The following CCSER1 variants were observed in gnomAD, a reference collection of about 807,000 sequenced individuals.
The protein encoded by CCSER1 is coiled-coil serine rich protein 1.
In CCSER1, 41 loss-of-function variants were observed where a neutral mutation model predicts 82.0. The observed-to-expected ratio is 0.50, with a 90% CI of 0.39 to 0.65. The LOEUF (loss-of-function observed/expected upper bound fraction) is 0.65. CCSER1 is among the 30% of genes least tolerant of loss of function. The pLI is 0.00. For missense variants in CCSER1, 1,119 were observed against 1,064.2 expected, an observed-to-expected ratio of 1.05 and a Z score of -0.72; for synonymous variants, 414 against 383.9, an observed-to-expected ratio of 1.08 and a Z score of -0.92.
chr4:91,532,126 T>C (rs1761062964), intron 10 of CCSER1, among the ~76,000 whole-genome samples: 1 of 152,190 alleles, frequency 6.6e-6, no homozygotes, highest in African/African-American at 2.4e-5. Flanking sequence ...AACTTTTCAG[T>C]TGCCTATTAT....
In CCSER1 at chr4:91,561,910, A is replaced by G. The variant is rs1004249665; in HGVS notation, c.2218-36662A>G. The stretch of plus-strand genomic sequence containing the variant: ...ATGGGTAAAATTTAACTATACATTA[A>G]GTAAAATTCTTTTCAGGGCAATATT... On this transcript the variant is annotated intron_variant, in intron 10 of 10. Transcript: ENST00000509176. 4.6e-5 allele frequency among the ~76,000 whole-genome samples: 7 copies of G among 151,568 alleles called. No homozygotes were observed. In the South Asian group the frequency reaches 1.5e-3, roughly 31 times the overall value.
At chr4:90,990,446 T>C (rs1020917287) in intron 9 of CCSER1, among the ~76,000 whole-genome samples, 2 of 151,992 alleles carry the variant, frequency 1.3e-5, no homozygotes, top group Admixed American at 6.6e-5. Flanking sequence ...ATTATAGTTC[T>C]TAACGCTGAC....
chr4:90,449,850 G>A (rs1247281041), intron 4 of CCSER1, among the ~76,000 whole-genome samples: 1 of 152,194 alleles, frequency 6.6e-6, no homozygotes, highest in Non-Finnish European at 1.5e-5. Flanking sequence ...CTGGGTGGCT[G>A]CATCTTTACC....
At chr4:90,713,719 A>T (rs999120253) in intron 6 of CCSER1, among the ~76,000 whole-genome samples, 1 of 151,754 alleles carries the variant, frequency 6.6e-6, no homozygotes, top group African/African-American at 2.4e-5. Context: ...GTTCTTCTGG[A>T]TGATATCCTG....
intron 8 of CCSER1, among the ~76,000 whole-genome samples, chr4:90,905,333 C>G (rs1327425459): frequency 1.3e-5 from 2 of 149,774 alleles, no homozygotes; most frequent in Admixed American, 1.4e-4. Context: ...CCAATATTCT[C>G]CTTGCTCACT....
intron 10 of CCSER1, among the ~76,000 whole-genome samples, chr4:91,436,464 G>C (rs1041099131): frequency 6.6e-6 from 1 of 152,140 alleles, no homozygotes; most frequent in Admixed American, 6.5e-5. Context: ...GCCTCAATGA[G>C]AGTTAATTTT....
At chr4:90,763,036 T>A (rs1165247467) in intron 7 of CCSER1, among the ~76,000 whole-genome samples, 1 of 151,960 alleles carries the variant, frequency 6.6e-6, no homozygotes, top group Admixed American at 6.6e-5. Context: ...AGAAACAGAC[T>A]GCTGTAAATG....
intron 1 of CCSER1, among the ~76,000 whole-genome samples, chr4:90,191,600 C>T (rs894987951): frequency 2.0e-5 from 3 of 151,980 alleles, no homozygotes; most frequent in Non-Finnish European, 4.4e-5. Context: ...GGGGTCCCTG[C>T]AGCATCTTGA....
intron 5 of CCSER1, among the ~76,000 whole-genome samples, chr4:90,470,405 A>G (rs1016573094): frequency 6.6e-6 from 1 of 152,216 alleles, no homozygotes; most frequent in Admixed American, 6.5e-5. Flanking sequence ...GCAAGAACAG[A>G]GTATAAATGC....
chr4:90,985,374 C>T (rs1335448253), intron 9 of CCSER1, among the ~76,000 whole-genome samples: 1 of 150,344 alleles, frequency 6.7e-6, no homozygotes, highest in Non-Finnish European at 1.5e-5. Flanking sequence ...TCTTCTTTAG[C>T]GGTTACTCTT....
chr4:91,585,811 A>G (rs534946322), intron 10 of CCSER1, among the ~76,000 whole-genome samples: 13 of 151,730 alleles, frequency 8.6e-5, no homozygotes, highest in African/African-American at 3.1e-4. Context: ...TTGTCCTAGG[A>G]AGGAATTAAA....
chr4:90,701,421 G>T (rs1738098689), intron 6 of CCSER1, among the ~76,000 whole-genome samples: 1 of 152,114 alleles, frequency 6.6e-6, no homozygotes, highest in Non-Finnish European at 1.5e-5. Context: ...GTAGCGTGAT[G>T]CCTCCAGCTT....
At chr4:90,304,201 A>G (rs367888445) in intron 1 of CCSER1, among the ~76,000 whole-genome samples, 15 of 152,178 alleles carry the variant, frequency 9.9e-5, no homozygotes, top group African/African-American at 3.1e-4. Flanking sequence ...CTGTTGGTGG[A>G]ACTGTAAACT....
chr4:90,890,169 G>A (rs1423064344), intron 8 of CCSER1, among the ~76,000 whole-genome samples: 1 of 152,224 alleles, frequency 6.6e-6, no homozygotes, highest in Middle Eastern at 3.4e-3. Context: ...AGTTACTATT[G>A]TAGACAGAAT....
In CCSER1 at chr4:91,216,559, A is replaced by C. The variant is rs138927341; in HGVS notation, c.2217+130565A>C. 1.4e-3 allele frequency among the ~76,000 whole-genome samples: 214 copies of C among 152,120 alleles called. 4 individuals carry two copies. The highest frequency in any genetic ancestry group is 0.01 in the Admixed American group (158 of 15,294). On this transcript the variant is annotated intron_variant, in intron 10 of 10. Transcript: ENST00000509176. ...ATGGTCTCCATCTCCTGACTTCGTGATCCACCCATCTCGGCCTCCCAAAGT... is the reference window on the plus strand; with the variant it reads ...ATGGTCTCCATCTCCTGACTTCGTGCTCCACCCATCTCGGCCTCCCAAAGT...
At chr4:91,244,720 A>G (rs1739629083) in intron 10 of CCSER1, among the ~76,000 whole-genome samples, 1 of 152,184 alleles carries the variant, frequency 6.6e-6, no homozygotes, top group South Asian at 2.1e-4. Flanking sequence ...TTCAATGCCC[A>G]GATACCAATG....
At chr4:90,699,736 C>A (rs1580001521) in intron 6 of CCSER1, among the ~76,000 whole-genome samples, 1 of 152,180 alleles carries the variant, frequency 6.6e-6, no homozygotes, top group East Asian at 1.9e-4. Context: ...ATGTTTGTAT[C>A]CGTTCAAAAT....
At position 91,513,495 on chromosome 4, in the gene CCSER1, G is replaced by A. The variant is rs139710913; in HGVS notation, c.2218-85077G>A. On this transcript the variant is annotated intron_variant, in intron 10 of 10. Transcript: ENST00000509176. ...GCTTTGTAGAATGAGTTAGGGAGAA[G>A]CCCCTCCTCATCAGTTTTTTTGAAT... 4.3e-3 allele frequency among the ~76,000 whole-genome samples: 659 copies of A among 152,170 alleles called. 8 individuals carry two copies. Among genetic ancestry groups the A allele is most frequent in the African/African-American group, 0.015 (614 of 41,544 alleles).
chr4:90,486,712 A>AT (rs1349850221), intron 5 of CCSER1, among the ~76,000 whole-genome samples: 10 of 152,318 alleles, frequency 6.6e-5, no homozygotes, highest in Admixed American at 4.6e-4. Context: ...TGATACATAG[A>AT]TAAAAACTGC....
Sources: gnomAD v4.1 joint callset for allele counts (sites outside exome capture counted in the v4.1 genomes callset) on GRCh38, gnomAD v4.1.1 for gene constraint, MANE v1.5 for transcripts, NCBI Gene and HGNC (gene_info 2026-07-23, HGNC 2026-07-21) for gene names.